KCTD1: variants seen among roughly 807,000 people sequenced by gnomAD.
KCTD1 encodes BTB/POZ domain-containing protein KCTD1.
A neutral mutation model predicts 66.0 loss-of-function variants in KCTD1; 24 were observed. The ratio of observed to expected loss-of-function variants is 0.36; its 90% CI spans 0.26 to 0.51. The LOEUF (loss-of-function observed/expected upper bound fraction) is 0.51. KCTD1 is among the 20% of genes least tolerant of loss of function. The pLI is 0.95. For missense variants in KCTD1, 943 were observed against 1,205.2 expected (o/e 0.78, Z 3.22); for synonymous variants, 511 against 517.2 (o/e 0.99, Z 0.16).
rs748051992 is a variant in KCTD1 at position 26,547,094 on chromosome 18, G to A, written c.1443C>T (p.Ala481=). The A allele has an allele frequency of 2.6e-6, 4 of 1,545,964 alleles. No individual in the cohort carries two copies. The highest frequency in any genetic ancestry group is 2.4e-5 in the East Asian group (1 of 40,882). ...LGSPAPQGCY[A]EALNGAARHH... ...GCCGTGCCGCCCCGTTCAGAGCCTC[G>A]GCGTAGCAGCCCTGCGGGGCGGGCG... Residue 481 remains alanine (A), a synonymous_variant, in exon 1 of 5, where the codon GCC becomes GCT. Transcript: ENST00000580059.
chr18:26,584,443 GTGA>G (rs1170074730), intron 1 of KCTD1, among the ~76,000 whole-genome samples: 1 of 152,118 alleles, frequency 6.6e-6, no homozygotes, highest in Non-Finnish European at 1.5e-5. Flanking sequence ...CCTTTTTTAT[GTGA>G]TCACTAGAAA....
intron 1 of KCTD1, among the ~76,000 whole-genome samples, chr18:26,579,401 C>T (rs1986301554): frequency 6.6e-6 from 1 of 152,110 alleles, no homozygotes; most frequent in African/African-American, 2.4e-5. Context: ...ACCTTAGGAA[C>T]TAATTAAATT....
intron 1 of KCTD1, chr18:26,566,760 C>T (rs1187419627): frequency 6.7e-6 from 1 of 148,290 alleles, no homozygotes; most frequent in East Asian, 2.0e-4. Context: ...TCACAGCCCA[C>T]ACAACTGGCA....
chr18:26,549,103 G>A, upstream of KCTD1: 1 of 984,954 alleles, frequency 1.0e-6, no homozygotes, highest in Non-Finnish European at 1.2e-6. Flanking sequence ...CGCCCGGAGC[G>A]GAGCGGAGCA....
At chr18:26,630,079 A>C (rs1011463132), upstream of KCTD1, among the ~76,000 whole-genome samples, 1 of 152,174 alleles carries the variant, frequency 6.6e-6, no homozygotes, top group Non-Finnish European at 1.5e-5. Context: ...CTGTGTTCAT[A>C]ATAATACTAA....
intron 1 of KCTD1, among the ~76,000 whole-genome samples, chr18:26,514,119 T>A (rs1218062494): frequency 6.6e-6 from 1 of 152,210 alleles, no homozygotes; most frequent in African/African-American, 2.4e-5. Context: ...AGCTTGAGAT[T>A]CCCCTGTAGA....
chr18:26,645,820 A>C (rs1987918556), intron 1 of KCTD1, among the ~76,000 whole-genome samples: 1 of 152,168 alleles, frequency 6.6e-6, no homozygotes, highest in Admixed American at 6.5e-5. Context: ...AACCTGCTAG[A>C]AATGCAAATT....
chr18:26,600,740 G>A (rs1451886299), intron 1 of KCTD1, among the ~76,000 whole-genome samples: 2 of 151,700 alleles, frequency 1.3e-5, no homozygotes, highest in Non-Finnish European at 1.5e-5. Context: ...GCTGCCACCT[G>A]CTTGTCTTTC....
chr18:26,499,420 G>C (rs1449902757), intron 2 of KCTD1, among the ~76,000 whole-genome samples: 1 of 152,066 alleles, frequency 6.6e-6, no homozygotes, highest in African/African-American at 2.4e-5. Flanking sequence ...AGGGAAGGTG[G>C]GGACTAAATA....
intron 1 of KCTD1, chr18:26,600,487 G>A: frequency 1.6e-6 from 1 of 626,342 alleles, no homozygotes; most frequent in Non-Finnish European, 2.9e-6. Context: ...GAGTGAAGCT[G>A]GCTGGGGGGG....
rs12970593 is a variant in KCTD1, at chr18:26,547,069, G to A, written c.1468C>T (p.His490Tyr). Residue 490 changes from histidine (H) to tyrosine (Y), a missense_variant, in exon 1 of 5, where the codon CAC (histidine) becomes TAC (tyrosine). His to Tyr is a moderately conservative substitution (Grantham distance 83). Coordinates refer to ENST00000580059, the MANE Select transcript of KCTD1 (RefSeq NM_001142730.3). ...TGGGTGGGGGGGTGGTGGGAGTGGT[G>A]CCGTGCCGCCCCGTTCAGAGCCTCG... The part of the protein sequence containing the change: ...YAEALNGAAR[H>Y]HSHHPPTHPS... The A allele has an allele frequency of 2.6e-6, 4 of 1,522,554 alleles. No individual in the cohort carries two copies. In the East Asian group the frequency reaches 7.4e-5, roughly 28 times the overall value. The allele number at this position is 1,522,554 out of a possible 1,614,324, so 94.3% of individuals were successfully genotyped here.
chr18:26,468,119 T>C lies in KCTD1; in HGVS notation c.2134-8194A>G, dbSNP rs1241477345. On this transcript the variant is annotated intron_variant, in intron 3 of 4. Transcript: ENST00000580059. This position sits in a 1 kb window ranked among gnomAD's most constrained non-coding sequence, Gnocchi z 4.8. ...AGAGTTGCAACCACGTGTGTGTGTG[T>C]GCCTATGCATGCGTACACGCTCATG... 2.0e-5 allele frequency among the ~76,000 whole-genome samples: 3 copies of C among 152,246 alleles called. No individual in the cohort carries two copies. The highest frequency in any genetic ancestry group is 4.4e-5 in the Non-Finnish European group (3 of 68,052).
chr18:26,501,382 TCTTG>T (rs1419349867), intron 1 of KCTD1, 132 bp from the exon 2 acceptor site: 2 of 769,524 alleles, frequency 2.6e-6, no homozygotes, highest in African/African-American at 3.5e-5. Flanking sequence ...ACCGGCAAGC[TCTTG>T]CTTTTGTTAT....
intron 1 of KCTD1, among the ~76,000 whole-genome samples, chr18:26,559,535 G>A (rs1356869191): frequency 1.3e-5 from 2 of 152,274 alleles, no homozygotes; most frequent in South Asian, 4.1e-4. Flanking sequence ...CCCATTGTGA[G>A]AACCACGGGC....
chr18:26,520,657 CT>C (rs1402508092), intron 1 of KCTD1, among the ~76,000 whole-genome samples: 1 of 152,176 alleles, frequency 6.6e-6, no homozygotes, highest in African/African-American at 2.4e-5. Context: ...AAAATAACTG[CT>C]AAAAAGACGG....
intron 2 of KCTD1, among the ~76,000 whole-genome samples, chr18:26,496,213 G>C (rs1449637608): frequency 6.6e-6 from 1 of 152,206 alleles, no homozygotes; most frequent in Non-Finnish European, 1.5e-5. Context: ...TCCAGGGCAA[G>C]AGTGCGAGTG....
At chr18:26,500,786 T>C (rs1191530795) in intron 2 of KCTD1, among the ~76,000 whole-genome samples, 1 of 152,222 alleles carries the variant, frequency 6.6e-6, no homozygotes, top group African/African-American at 2.4e-5. Context: ...CATCTTTTTT[T>C]GTACTACATT....
At chr18:26,536,374 TA>T (rs1984710074) in intron 1 of KCTD1, among the ~76,000 whole-genome samples, 1 of 152,194 alleles carries the variant, frequency 6.6e-6, no homozygotes, top group South Asian at 2.1e-4. Context: ...TGGGGACACC[TA>T]AAACACAAGT....
At chr18:26,506,432 A>C (rs776056418) in intron 1 of KCTD1, among the ~76,000 whole-genome samples, 6 of 152,190 alleles carry the variant, frequency 3.9e-5, no homozygotes, top group Non-Finnish European at 8.8e-5. Flanking sequence ...AGAACTGAGA[A>C]GTTAACAAAC....
Sources: allele counts gnomAD v4.1 joint callset (sites outside exome capture counted in the v4.1 genomes callset), GRCh38; gene constraint gnomAD v4.1.1; non-coding constraint Gnocchi (gnomAD v3.1); transcripts MANE v1.5; gene names NCBI Gene and HGNC (gene_info 2026-07-23, HGNC 2026-07-21).